Variants in AGBL4 observed in about 807,000 individuals in gnomAD.
AGBL4 encodes the protein cytosolic carboxypeptidase 6.
Under a neutral mutation model 66.4 loss-of-function variants are expected in AGBL4, and 58 were observed. The ratio of observed to expected loss-of-function variants is 0.87; its 90% CI spans 0.71 to 1.09. The LOEUF is 1.09. Among genes scored for constraint, AGBL4 ranks in the 50% least tolerant of loss-of-function variants. AGBL4 has a pLI of 0.00. For synonymous variants in AGBL4, 234 were observed against 222.9 expected, an observed-to-expected ratio of 1.05 and a Z score of -0.44; for missense variants, 579 against 631.0, an observed-to-expected ratio of 0.92 and a Z score of 0.88.
chr1:49,748,337 G>A (rs1319588351), intron 2 of AGBL4, among the ~76,000 whole-genome samples: 1 of 152,114 alleles, frequency 6.6e-6, no homozygotes, highest in Non-Finnish European at 1.5e-5. Context: ...CAAAGGACAT[G>A]AACTCATTCT....
At chr1:49,194,217 A>C (rs968837432) in intron 4 of AGBL4, among the ~76,000 whole-genome samples, 1 of 152,112 alleles carries the variant, frequency 6.6e-6, no homozygotes, top group Non-Finnish European at 1.5e-5. Context: ...ATATATACTT[A>C]GGGTTGTTAT....
In AGBL4 at chr1:49,857,169, C is replaced by T. The variant is rs1262651390; in HGVS notation, c.35-5651G>A. Among the ~76,000 whole-genome samples, 7 of 151,808 alleles carry T rather than the reference C, an allele frequency of 4.6e-5. No homozygotes were observed. In the South Asian group the frequency reaches 1.5e-3, roughly 32 times the overall value. ...TGAAATGCCTAGAAATAAATTTAAC[C>T]AACGGGCTGAAAGACTGCAATGAAA... On this transcript the variant is annotated intron_variant, in intron 1 of 13. Transcript: ENST00000371839.
At chr1:49,797,541 T>G (rs1644759885) in intron 2 of AGBL4, among the ~76,000 whole-genome samples, 1 of 152,144 alleles carries the variant, frequency 6.6e-6, no homozygotes, top group Non-Finnish European at 1.5e-5. Flanking sequence ...GCTCAAGTTA[T>G]CCTCCCATGT....
intron 4 of AGBL4, among the ~76,000 whole-genome samples, chr1:49,190,220 T>C (rs1006258358): frequency 1.3e-5 from 2 of 152,172 alleles, no homozygotes; most frequent in Non-Finnish European, 2.9e-5. Flanking sequence ...ACACAAAGTT[T>C]CTAAGATAAG....
chr1:49,384,280 G>T (rs1031436115), intron 3 of AGBL4, among the ~76,000 whole-genome samples: 1 of 151,976 alleles, frequency 6.6e-6, no homozygotes, highest in Non-Finnish European at 1.5e-5. Flanking sequence ...ATTCGGAAGA[G>T]ACAATTGTGA....
At chr1:49,461,838 A>T (rs1241582193) in intron 3 of AGBL4, among the ~76,000 whole-genome samples, 1 of 151,724 alleles carries the variant, frequency 6.6e-6, no homozygotes, top group East Asian at 1.9e-4. Context: ...CATTATGTAT[A>T]CGTGTCACAT....
intron 2 of AGBL4, among the ~76,000 whole-genome samples, chr1:49,831,841 G>C (rs937230665): frequency 5.3e-5 from 8 of 152,072 alleles, no homozygotes; most frequent in African/African-American, 1.9e-4. Context: ...TTTTATCAAA[G>C]ACCTTTTCTG....
At chr1:49,727,175 T>TA (rs1649094043) in intron 2 of AGBL4, among the ~76,000 whole-genome samples, 1 of 152,086 alleles carries the variant, frequency 6.6e-6, no homozygotes, top group South Asian at 2.1e-4. Flanking sequence ...ACTAGAATAT[T>TA]AATGACATAT....
chr1:49,256,770 T>G (rs1652541174), intron 3 of AGBL4, among the ~76,000 whole-genome samples: 1 of 152,228 alleles, frequency 6.6e-6, no homozygotes, highest in African/African-American at 2.4e-5. Flanking sequence ...CAATTTAGTT[T>G]ACATTGCTGT....
chr1:49,681,864 G>A (rs945200720), intron 3 of AGBL4, among the ~76,000 whole-genome samples: 1 of 152,142 alleles, frequency 6.6e-6, no homozygotes, highest in African/African-American at 2.4e-5. Context: ...AAGTAAAAGA[G>A]TAAATGCCAT....
intron 2 of AGBL4, among the ~76,000 whole-genome samples, chr1:49,707,406 T>C (rs1647292590): frequency 7.0e-6 from 1 of 142,478 alleles, no homozygotes; most frequent in Non-Finnish European, 1.5e-5. Context: ...ATTTGGTTGG[T>C]ACATATTCCT....
At chr1:49,991,750 T>C (rs1377245064) in intron 1 of AGBL4, among the ~76,000 whole-genome samples, 1 of 152,174 alleles carries the variant, frequency 6.6e-6, no homozygotes, top group African/African-American at 2.4e-5. Context: ...ATCCCCAAGT[T>C]TGACAACTTA....
chr1:49,006,095 T>C (rs1347846935), intron 5 of AGBL4, among the ~76,000 whole-genome samples: 1 of 152,116 alleles, frequency 6.6e-6, no homozygotes, highest in Non-Finnish European at 1.5e-5. Context: ...AGGTGATTTC[T>C]GCATTTCCAT....
At chr1:49,738,708 T>A (rs1650126991) in intron 2 of AGBL4, among the ~76,000 whole-genome samples, 1 of 152,172 alleles carries the variant, frequency 6.6e-6, no homozygotes, top group African/African-American at 2.4e-5. Flanking sequence ...GAGACAAAAC[T>A]TCCAGAGGAA....
At chr1:48,580,261 G>A (rs1206003696) in intron 11 of AGBL4, among the ~76,000 whole-genome samples, 2 of 152,204 alleles carry the variant, frequency 1.3e-5, no homozygotes, top group East Asian at 3.9e-4. Context: ...AGGAGAGGGT[G>A]TGTCTAAAGA....
intron 2 of AGBL4, among the ~76,000 whole-genome samples, chr1:49,770,688 A>T (rs1017170732): frequency 2.0e-5 from 3 of 151,854 alleles, no homozygotes; most frequent in Non-Finnish European, 2.9e-5. Flanking sequence ...GATTCAATTT[A>T]CTCACTTATT....
At chr1:49,805,512 G>C (rs2147957989) in intron 2 of AGBL4, among the ~76,000 whole-genome samples, 1 of 152,278 alleles carries the variant, frequency 6.6e-6, no homozygotes, top group South Asian at 2.1e-4. Flanking sequence ...CAGCATATTT[G>C]TATGCCAATG....
Position 49,697,235 on chromosome 1 carries a change from T to A in AGBL4, c.282+78A>T, listed in dbSNP as rs568641051. ...GAATATATTCTTAATATAGTCATTATTTTGATATTTCTAAAAGAAGACAAA... is the reference window on the plus strand; with the variant it reads ...GAATATATTCTTAATATAGTCATTAATTTGATATTTCTAAAAGAAGACAAA... On this transcript the variant is annotated intron_variant, in intron 3 of 13. Coordinates refer to ENST00000371839, the MANE Select transcript of AGBL4 (RefSeq NM_032785.4). 523 of 1,414,562 alleles carry A rather than the reference T, an allele frequency of 3.7e-4. 6 individuals are homozygous for A. In the South Asian group the frequency reaches 6.8e-3, roughly 18 times the overall value. 87.6% of individuals were successfully genotyped at this position (1,414,562 alleles called of 1,614,324 possible).
At chr1:49,784,704 C>A (rs199820646) in intron 2 of AGBL4, among the ~76,000 whole-genome samples, 1 of 151,746 alleles carries the variant, frequency 6.6e-6, no homozygotes. Context: ...AATGAAAACA[C>A]AAGCCACAGA....
Sources: allele counts gnomAD v4.1 joint callset (sites outside exome capture counted in the v4.1 genomes callset), GRCh38; gene constraint gnomAD v4.1.1; transcripts MANE v1.5; gene names NCBI Gene and HGNC (gene_info 2026-07-23, HGNC 2026-07-21).